The following TLR5 variants were observed in gnomAD, a reference collection of about 807,000 sequenced individuals.
TLR5 encodes toll-like receptor 5.
For missense variants in TLR5, 944 were observed against 999.8 expected, an observed-to-expected ratio of 0.94 and a Z score of 0.75; for synonymous variants, 373 against 384.4, an observed-to-expected ratio of 0.97 and a Z score of 0.35.
chr1:223,138,741 C>G (rs764707604), intron 2 of TLR5, among the ~76,000 whole-genome samples: 1 of 152,212 alleles, frequency 6.6e-6, no homozygotes, highest in African/African-American at 2.4e-5. Flanking sequence ...GGGAATCCTA[C>G]ACCTGCAGCA....
intron 5 of TLR5, among the ~76,000 whole-genome samples, chr1:223,124,248 A>C (rs1271849384): frequency 6.6e-6 from 1 of 152,148 alleles, no homozygotes; most frequent in Non-Finnish European, 1.5e-5. Context: ...GTTCGAGACC[A>C]GTCTGGACAA....
At chr1:223,140,039 C>T (rs946080203) in intron 2 of TLR5, among the ~76,000 whole-genome samples, 3 of 152,174 alleles carry the variant, frequency 2.0e-5, no homozygotes, top group African/African-American at 7.2e-5. Flanking sequence ...CTCCTATGGA[C>T]AATACGGAGC....
At position 223,111,623 on chromosome 1, in the gene TLR5, G is replaced by A. The variant is rs200564461; in HGVS notation, c.1409C>T (p.Ser470Leu). 2.5e-5 allele frequency: 40 copies of A among 1,614,152 alleles called. No individual in the cohort carries two copies. The African/African-American group carries it at 4.8e-4, about 19-fold the overall frequency. ...FSSCSGDQTP[S>L]ENPSLEQLFL... Reference sequence around the variant, plus strand: ...AAGCTGTTCTAAGCTGGGATTCTCTGAAGGGGTTTGATCTCCACTACAGGA... The same window carrying A: ...AAGCTGTTCTAAGCTGGGATTCTCTAAAGGGGTTTGATCTCCACTACAGGA... The change falls in exon 6 of 6, where the codon TCA becomes TTA. Residue 470 changes from serine to leucine, a missense_variant. Physicochemically the swap from Ser to Leu is moderately radical, Grantham distance 145. Transcript: ENST00000642603.
Position 223,112,082 on chromosome 1 carries a change from A to T in TLR5, c.950T>A (p.Leu317Gln), listed in dbSNP as rs1656375632. ...VFETLKDLKV[L>Q]NLAYNKINKI... The stretch of plus-strand genomic sequence containing the variant: ...ATTTATCTTGTTGTAGGCAAGGTTC[A>T]GAACCTTCAAATCCTTGAGTGTCTC... The change falls in exon 6 of 6, where the codon CTG (leucine) becomes CAG (glutamine). Residue 317 changes from leucine to glutamine, a missense_variant. Physicochemically the swap from Leu to Gln is moderately radical, Grantham distance 113. Coordinates refer to ENST00000642603, the MANE Select transcript of TLR5 (RefSeq NM_003268.6). 6.2e-7 allele frequency: 1 copy of T among 1,614,134 alleles called. No homozygotes were observed. The highest frequency in any genetic ancestry group is 8.5e-7 in the Non-Finnish European group (1 of 1,180,046).
intron 5 of TLR5, among the ~76,000 whole-genome samples, chr1:223,130,889 AT>A (rs1657371858): frequency 6.6e-6 from 1 of 152,156 alleles, no homozygotes; most frequent in Non-Finnish European, 1.5e-5. Context: ...GGGTGAGGTC[AT>A]TCTGGTTTCC....
In TLR5 at chr1:223,111,680, T is replaced by C. The variant is rs1558117353; in HGVS notation, c.1352A>G (p.Gln451Arg). The change falls in exon 6 of 6, where the codon CAG becomes CGG. Residue 451 changes from glutamine to arginine, a missense_variant. Transcript: ENST00000642603. ...LYFLLRVPHL[Q>R]ILILNQNRFS... is the part of the protein sequence containing the mutation. ...GCGATTTTGATTTAAAATGAGAATC[T>C]GGAGATGAGGTACCCGTAGGAGAAA... The C allele has an allele frequency of 1.2e-6, 2 of 1,614,182 alleles. No individual in the cohort carries two copies. Among genetic ancestry groups the C allele is most frequent in the Non-Finnish European group, 8.5e-7 (1 of 1,180,030 alleles).
rs2102853524 is a variant in TLR5, at chr1:223,110,024, T to C, written c.*431A>G. 5.0e-6 allele frequency: 1 copy of C among 199,830 alleles called. No individual in the cohort carries two copies. The highest frequency in any genetic ancestry group is 8.8e-5 in the South Asian group (1 of 11,326). 12.4% of individuals were successfully genotyped at this position (199,830 alleles called of 1,614,324 possible). A position where few individuals can be genotyped will look rare whatever the true frequency, so the allele number is the denominator to read the frequency against. On this transcript the variant is annotated 3_prime_UTR_variant, in exon 6 of 6. Transcript: ENST00000642603. ...AGAAGGAAATGTGCCTCTGCTTCTG[T>C]TTGTTTTCTACTTAATGTTGTTTTG...
At chr1:223,118,469 C>G (rs1404047171) in intron 5 of TLR5, among the ~76,000 whole-genome samples, 1 of 151,720 alleles carries the variant, frequency 6.6e-6, no homozygotes, top group Admixed American at 6.6e-5. Flanking sequence ...ATTGCTTGAA[C>G]CCAGGAGTCA....
At chr1:223,137,639 A>G (rs1403297234) in intron 2 of TLR5, among the ~76,000 whole-genome samples, 1 of 152,216 alleles carries the variant, frequency 6.6e-6, no homozygotes, top group African/African-American at 2.4e-5. Context: ...GGAAAGTTCT[A>G]TGGGGCACTT....
chr1:223,112,120 G>A lies in TLR5; in HGVS notation c.912C>T (p.Asn304=), dbSNP rs1656378673. 6.2e-7 allele frequency: 1 copy of A among 1,614,230 alleles called. No individual in the cohort carries two copies. Among genetic ancestry groups the A allele is most frequent in the Non-Finnish European group, 8.5e-7 (1 of 1,180,040 alleles). Residue 304 remains asparagine, a synonymous_variant, in exon 6 of 6, where the codon AAC becomes AAT. Transcript: ENST00000642603. ...CCTTGAGTGTCTCAAAGACTCGTGA[G>A]TTCAGGGAGAAGACAAACCCATGTG... ...DLSHGFVFSL[N]SRVFETLKDL...
At chr1:223,114,358 G>A (rs1656520958) in intron 5 of TLR5, among the ~76,000 whole-genome samples, 1 of 152,190 alleles carries the variant, frequency 6.6e-6, no homozygotes, top group Non-Finnish European at 1.5e-5. Flanking sequence ...CATCTTTGGT[G>A]CCTACTATGC....
chr1:223,139,389 C>T (rs1657747764), intron 2 of TLR5, among the ~76,000 whole-genome samples: 1 of 152,200 alleles, frequency 6.6e-6, no homozygotes, highest in South Asian at 2.1e-4. Context: ...AAGTAACCAG[C>T]AGCCATAAGA....
chr1:223,126,490 G>A (rs1473099773), intron 5 of TLR5, among the ~76,000 whole-genome samples: 1 of 152,062 alleles, frequency 6.6e-6, no homozygotes, highest in Non-Finnish European at 1.5e-5. Context: ...TTTATAAAAT[G>A]AAAATTATAT....
rs149823046 is a variant in TLR5 at position 223,138,473 on chromosome 1, C to T, written c.-438-1210G>A. Among the ~76,000 whole-genome samples, 449 of 152,222 alleles carry T rather than the reference C, an allele frequency of 2.9e-3. 5 individuals carry two copies. Among genetic ancestry groups the T allele is most frequent in the African/African-American group, 0.01 (425 of 41,530 alleles). Reference sequence around the variant, plus strand: ...TTCCCCAAGACCTTGTTCTCTGCTTCAGGCTTCTTCCATCAGTGACCACAT... The same window carrying T: ...TTCCCCAAGACCTTGTTCTCTGCTTTAGGCTTCTTCCATCAGTGACCACAT... On this transcript the variant is annotated intron_variant, in intron 2 of 5. Coordinates refer to ENST00000642603, the MANE Select transcript of TLR5 (RefSeq NM_003268.6).
intron 4 of TLR5, 55 bp downstream of exon 4, chr1:223,134,627 C>G (rs1657532525): frequency 6.6e-6 from 1 of 152,302 alleles, no homozygotes; most frequent in Non-Finnish European, 1.5e-5. Context: ...ACAACTAGCA[C>G]AACATTTAAA....
intron 5 of TLR5, among the ~76,000 whole-genome samples, chr1:223,130,329 C>T (rs114960507): frequency 6.6e-6 from 1 of 152,176 alleles, no homozygotes; most frequent in East Asian, 1.9e-4. Flanking sequence ...GAATTTTGTT[C>T]CAGAGGCCAG....
chr1:223,141,133 G>C (rs779745291), intron 2 of TLR5, among the ~76,000 whole-genome samples: 28 of 152,204 alleles, frequency 1.8e-4, no homozygotes, highest in Admixed American at 3.3e-4. Flanking sequence ...GGACATTCCA[G>C]TGCTGTCTGC....
At chr1:223,129,614 G>C (rs1657321397) in intron 5 of TLR5, 1 of 152,378 alleles carries the variant, frequency 6.6e-6, no homozygotes, top group Non-Finnish European at 1.5e-5. Context: ...GCCCCAGGCA[G>C]TCACACTCAG....
intron 5 of TLR5, among the ~76,000 whole-genome samples, chr1:223,118,200 T>G (rs980481937): frequency 6.6e-6 from 1 of 152,166 alleles, no homozygotes; most frequent in Non-Finnish European, 1.5e-5. Flanking sequence ...GCGAGGGAGC[T>G]TCCAATTTAT....
Sources: allele counts gnomAD v4.1 joint callset (sites outside exome capture counted in the v4.1 genomes callset), GRCh38; gene constraint gnomAD v4.1.1; transcripts MANE v1.5; gene names NCBI Gene and HGNC (gene_info 2026-07-23, HGNC 2026-07-21).